CNBD1: variants seen among roughly 807,000 people sequenced by gnomAD.
CNBD1 encodes cyclic nucleotide-binding domain-containing protein 1.
Under a neutral mutation model 54.4 loss-of-function variants are expected in CNBD1, and 71 were observed. The observed-to-expected ratio is 1.30, with a 90% CI of 1.08 to 1.59. The LOEUF (loss-of-function observed/expected upper bound fraction) is 1.59. Ranked by LOEUF, CNBD1 falls within the 40% of genes most tolerant of loss-of-function variation. CNBD1 has a pLI of 0.00. For synonymous variants in CNBD1, 182 were observed against 170.7 expected, an observed-to-expected ratio of 1.07 and a Z score of -0.51; for missense variants, 659 against 518.0, an observed-to-expected ratio of 1.27 and a Z score of -2.64.
At chr8:87,292,076 CTGTT>C (rs1808797992) in intron 8 of CNBD1, among the ~76,000 whole-genome samples, 2 of 152,144 alleles carry the variant, frequency 1.3e-5, no homozygotes, top group South Asian at 2.1e-4. Flanking sequence ...TTAATTCTCT[CTGTT>C]TGAGGAAAAT....
At chr8:87,412,607 T>C (rs926571622) in intron 2 of CNBD1, among the ~76,000 whole-genome samples, 3 of 152,090 alleles carry the variant, frequency 2.0e-5, no homozygotes, top group Admixed American at 6.6e-5. Context: ...ATAGACACTA[T>C]GTTTTCACAT....
intron 4 of CNBD1, among the ~76,000 whole-genome samples, chr8:87,017,419 G>A (rs1809378283): frequency 6.6e-6 from 1 of 152,010 alleles, no homozygotes; most frequent in Admixed American, 6.6e-5. Context: ...AGTATTTTTC[G>A]GTAACAATGA....
intron 6 of CNBD1, among the ~76,000 whole-genome samples, chr8:87,266,222 A>G (rs907692740): frequency 6.6e-6 from 1 of 151,876 alleles, no homozygotes; most frequent in Non-Finnish European, 1.5e-5. Context: ...TGGAACTTGA[A>G]AAGGTAATTT....
At chr8:87,265,847 G>C (rs925333303) in intron 6 of CNBD1, among the ~76,000 whole-genome samples, 1 of 152,012 alleles carries the variant, frequency 6.6e-6, no homozygotes, top group African/African-American at 2.4e-5. Flanking sequence ...TCTCTAAATG[G>C]AAACTACTGA....
chr8:87,365,855 C>T (rs1810631361), intron 10 of CNBD1, among the ~76,000 whole-genome samples: 1 of 152,016 alleles, frequency 6.6e-6, no homozygotes. Context: ...GAAGCATTTA[C>T]AAAGGAATTT....
chr8:87,128,529 A>G (rs1376131180), intron 4 of CNBD1, among the ~76,000 whole-genome samples: 4 of 152,192 alleles, frequency 2.6e-5, no homozygotes, highest in Non-Finnish European at 5.9e-5. Context: ...CCCTTTATCA[A>G]GTTAAGGTAG....
chr8:87,102,064 T>C (rs1403487152), intron 4 of CNBD1, among the ~76,000 whole-genome samples: 4 of 151,978 alleles, frequency 2.6e-5, no homozygotes, highest in African/African-American at 7.2e-5. Flanking sequence ...AATTTTTATA[T>C]TTTTAGTAGA....
At chr8:87,178,111 G>T (rs1349621771) in intron 4 of CNBD1, among the ~76,000 whole-genome samples, 21 of 152,080 alleles carry the variant, frequency 1.4e-4, no homozygotes, top group Admixed American at 1.4e-3. Context: ...AATCTATTGA[G>T]CACGTTCTAA....
chr8:87,380,815 A>G (rs1447449323), intron 10 of CNBD1, among the ~76,000 whole-genome samples: 2 of 152,042 alleles, frequency 1.3e-5, no homozygotes, highest in Non-Finnish European at 2.9e-5. Context: ...ATCTCTACAA[A>G]AATAGCATTG....
intron 8 of CNBD1, among the ~76,000 whole-genome samples, chr8:87,321,809 T>C (rs1032770577): frequency 7.9e-5 from 12 of 151,584 alleles, no homozygotes; most frequent in African/African-American, 2.2e-4. Context: ...TTTTCTTTTT[T>C]TTTTTTTTTA....
intron 4 of CNBD1, among the ~76,000 whole-genome samples, chr8:87,063,185 A>G (rs1810580628): frequency 6.6e-6 from 1 of 152,202 alleles, no homozygotes; most frequent in Non-Finnish European, 1.5e-5. Context: ...CAGTTCAAGT[A>G]ACTTTGGAAC....
intron 4 of CNBD1, among the ~76,000 whole-genome samples, chr8:86,992,782 G>A (rs1049197762): frequency 1.3e-5 from 2 of 152,130 alleles, no homozygotes; most frequent in Admixed American, 6.5e-5. Flanking sequence ...TAAGGATGCT[G>A]AAAATAGGGT....
At chr8:87,259,665 A>G (rs1437785382) in intron 6 of CNBD1, among the ~76,000 whole-genome samples, 2 of 152,152 alleles carry the variant, frequency 1.3e-5, no homozygotes, top group Admixed American at 6.6e-5. Context: ...GATTACTACA[A>G]TAGTTGTAAG....
chr8:87,215,419 T>G (rs568996500), intron 5 of CNBD1, among the ~76,000 whole-genome samples: 1 of 151,902 alleles, frequency 6.6e-6, no homozygotes, highest in Non-Finnish European at 1.5e-5. Flanking sequence ...ACCCTGTCCC[T>G]ACTAAAAAAA....
intron 4 of CNBD1, among the ~76,000 whole-genome samples, chr8:86,997,624 A>G (rs1388895310): frequency 6.6e-6 from 1 of 152,128 alleles, no homozygotes; most frequent in Non-Finnish European, 1.5e-5. Context: ...TGACTTGATT[A>G]CCTTTCCCAT....
intron 2 of CNBD1, among the ~76,000 whole-genome samples, chr8:86,895,399 T>C (rs1336803713): frequency 6.6e-6 from 1 of 152,172 alleles, no homozygotes; most frequent in Non-Finnish European, 1.5e-5. Flanking sequence ...GTTTTAGCAA[T>C]TACAAATAAA....
At chr8:87,289,209 C>T (rs911556535) in intron 8 of CNBD1, among the ~76,000 whole-genome samples, 1 of 152,056 alleles carries the variant, frequency 6.6e-6, no homozygotes, top group Non-Finnish European at 1.5e-5. Context: ...GTTAATTATT[C>T]AAAAGCTTGA....
intron 6 of CNBD1, among the ~76,000 whole-genome samples, chr8:87,256,021 T>C (rs1382884627): frequency 2.8e-5 from 1 of 35,788 alleles, no homozygotes; most frequent in African/African-American, 7.7e-5. Flanking sequence ...ATATATTTTT[T>C]TTTTTTTTTT....
intron 4 of CNBD1, among the ~76,000 whole-genome samples, chr8:87,068,749 A>G (rs554395173): frequency 1.3e-5 from 2 of 152,114 alleles, no homozygotes; most frequent in East Asian, 3.9e-4. Flanking sequence ...TAGAATTGCT[A>G]TTTTCTCTTT....
Sources: gnomAD v4.1 joint callset for allele counts (sites outside exome capture counted in the v4.1 genomes callset) on GRCh38, gnomAD v4.1.1 for gene constraint, MANE v1.5 for transcripts, NCBI Gene and HGNC (gene_info 2026-07-23, HGNC 2026-07-21) for gene names.